RBM6: variants seen among roughly 807,000 people sequenced by gnomAD.
RBM6 encodes the protein RNA binding motif protein 6, also known as RNA-binding protein 6.
In RBM6, 23 loss-of-function variants were observed where a neutral mutation model predicts 140.4. That is an observed-to-expected ratio of 0.16 (90% CI 0.12 to 0.23). The LOEUF is 0.23. Among genes scored for constraint, RBM6 ranks in the 10% least tolerant of loss-of-function variants. RBM6 has a pLI of 1.00. For synonymous variants in RBM6, 439 were observed against 475.6 expected (o/e 0.92, Z 1.00); for missense variants, 1,139 against 1,386.7 (o/e 0.82, Z 2.84).
intron 1 of RBM6, among the ~76,000 whole-genome samples, chr3:49,942,385 A>G (rs954376848): frequency 6.6e-6 from 1 of 150,954 alleles, no homozygotes; most frequent in African/African-American, 2.4e-5. Context: ...GGTACTCAGG[A>G]GGCTGAGGCA....
chr3:49,947,271 GGGGGGGT>G (rs1325320225), intron 1 of RBM6, among the ~76,000 whole-genome samples: 7 of 111,350 alleles, frequency 6.3e-5, no homozygotes, highest in Middle Eastern at 4.8e-3. Context: ...AAGGGGGGGG[GGGGGGGT>G]TTTGAGCTGG....
intron 14 of RBM6, 128 bp downstream of exon 14, chr3:50,061,675 A>G: frequency 6.8e-7 from 1 of 1,469,634 alleles, no homozygotes; most frequent in East Asian, 2.5e-5. Flanking sequence ...CATTGCATGA[A>G]AAGTGGAAAA....
chr3:50,075,464 C>A, intron 20 of RBM6, 134 bp downstream of exon 20: 1 of 1,231,682 alleles, frequency 8.1e-7, no homozygotes, highest in Non-Finnish European at 1.1e-6. Flanking sequence ...GAGAGTTGAA[C>A]ACTTTAGCCT....
At chr3:50,062,345 A>G (rs2089972669) in intron 15 of RBM6, among the ~76,000 whole-genome samples, 1 of 152,104 alleles carries the variant, frequency 6.6e-6, no homozygotes, top group African/African-American at 2.4e-5. Flanking sequence ...CTCTACTAAA[A>G]ATACAAAAAT....
At chr3:50,020,063 C>G (rs912218058) in intron 6 of RBM6, among the ~76,000 whole-genome samples, 58 of 152,092 alleles carry the variant, frequency 3.8e-4, no homozygotes, top group African/African-American at 1.4e-3. Flanking sequence ...GGACTACAGG[C>G]ACATACCACC....
intron 3 of RBM6, among the ~76,000 whole-genome samples, chr3:49,971,497 CTGCTAG>C (rs1278343323): frequency 6.6e-6 from 1 of 151,228 alleles, no homozygotes; most frequent in East Asian, 2.0e-4. Flanking sequence ...GTATGAAGTA[CTGCTAG>C]TTTACAGCCC....
At chr3:49,941,970 T>C (rs2083302075) in intron 1 of RBM6, among the ~76,000 whole-genome samples, 1 of 151,450 alleles carries the variant, frequency 6.6e-6, no homozygotes, top group South Asian at 2.1e-4. Context: ...CGTGGTGGCA[T>C]GCTCCTGTTA....
At chr3:50,067,186 C>CAA (rs751552449) in intron 17 of RBM6, among the ~76,000 whole-genome samples, 15 of 19,552 alleles carry the variant, frequency 7.7e-4, no homozygotes, top group South Asian at 1.7e-3. Flanking sequence ...GACTCTATCT[C>CAA]AAAAAAAAAA....
chr3:49,970,640 G>C (rs538859681), intron 3 of RBM6, among the ~76,000 whole-genome samples: 2 of 152,264 alleles, frequency 1.3e-5, no homozygotes, highest in Non-Finnish European at 2.9e-5. Context: ...TAAACTTCTT[G>C]AATATATGAT....
intron 1 of RBM6, among the ~76,000 whole-genome samples, chr3:49,961,561 G>C (rs986668135): frequency 1.3e-5 from 2 of 151,994 alleles, no homozygotes; most frequent in Non-Finnish European, 2.9e-5. Flanking sequence ...AGCACTTTGG[G>C]AGGCCGAGGT....
intron 5 of RBM6, among the ~76,000 whole-genome samples, chr3:49,991,313 A>G (rs1440250041): frequency 6.6e-6 from 1 of 152,086 alleles, no homozygotes; most frequent in East Asian, 1.9e-4. Flanking sequence ...CCTTTTGTGT[A>G]GTTGTTTTTA....
At chr3:50,042,019 A>T (rs761381661) in intron 6 of RBM6, among the ~76,000 whole-genome samples, 1 of 152,220 alleles carries the variant, frequency 6.6e-6, no homozygotes, top group East Asian at 1.9e-4. Flanking sequence ...AGACTACTCC[A>T]TGTATCCCAG....
At chr3:49,962,308 G>A (rs879626046) in intron 1 of RBM6, among the ~76,000 whole-genome samples, 8 of 149,448 alleles carry the variant, frequency 5.4e-5, no homozygotes, top group South Asian at 2.1e-4. Flanking sequence ...GCGTGGTGGC[G>A]GGCGCCTGTA....
At chr3:49,946,558 CAG>C (rs536988551) in intron 1 of RBM6, among the ~76,000 whole-genome samples, 2 of 151,238 alleles carry the variant, frequency 1.3e-5, no homozygotes, top group Non-Finnish European at 2.9e-5. Flanking sequence ...TTTTTTGAGA[CAG>C]AGTCTCACTC....
chr3:50,042,230 G>A (rs1189581272), intron 6 of RBM6, among the ~76,000 whole-genome samples: 1 of 152,190 alleles, frequency 6.6e-6, no homozygotes, highest in Non-Finnish European at 1.5e-5. Flanking sequence ...TTCAATGTGA[G>A]TTGTATTCAC....
intron 5 of RBM6, among the ~76,000 whole-genome samples, chr3:49,991,943 T>TTTTATTTTA (rs1553645330): frequency 2.0e-5 from 3 of 150,594 alleles, no homozygotes; most frequent in South Asian, 2.1e-4. Flanking sequence ...TTTTATTTTA[T>TTTTATTTTA]TTTATTTATT....
intron 1 of RBM6, among the ~76,000 whole-genome samples, chr3:49,947,170 T>G (rs1325337760): frequency 4.9e-4 from 70 of 141,972 alleles, no homozygotes; most frequent in African/African-American, 1.8e-3. Flanking sequence ...AAGGATGGTG[T>G]GAACCTGGGA....
intron 5 of RBM6, among the ~76,000 whole-genome samples, chr3:49,984,645 C>T (rs1291732001): frequency 1.0e-5 from 1 of 97,240 alleles, no homozygotes; most frequent in Non-Finnish European, 2.8e-5. Flanking sequence ...CGCATCGCAT[C>T]GCATCGCATC....
intron 6 of RBM6, among the ~76,000 whole-genome samples, chr3:50,005,752 C>T (rs2086541485): frequency 6.6e-6 from 1 of 152,052 alleles, no homozygotes; most frequent in Admixed American, 6.6e-5. Context: ...GAGGAGTATC[C>T]AGCATCCTAG....
Sources: gnomAD v4.1 joint callset for allele counts (sites outside exome capture counted in the v4.1 genomes callset) on GRCh38, gnomAD v4.1.1 for gene constraint, MANE v1.5 for transcripts, NCBI Gene and HGNC (gene_info 2026-07-23, HGNC 2026-07-21) for gene names.